Variants in DHX35 observed in about 807,000 individuals in gnomAD.
DHX35 encodes the protein probable ATP-dependent RNA helicase DHX35.
DHX35 carries 84 observed loss-of-function variants against 99.6 expected under a neutral mutation model. That is an observed-to-expected ratio of 0.84 (90% CI 0.71 to 1.01). DHX35 has a LOEUF of 1.01. Ranked by LOEUF, DHX35 falls within the 50% of genes least tolerant of loss-of-function variation. The pLI, the probability that DHX35 is intolerant of heterozygous loss-of-function variation, is 0.00. For synonymous variants in DHX35, 331 were observed against 316.2 expected (o/e 1.05, Z -0.50); for missense variants, 852 against 888.5 (o/e 0.96, Z 0.52).
chr20:39,023,582 G>A, intron 16 of DHX35, 108 bp from the exon 17 acceptor site: 1 of 1,001,930 alleles, frequency 1.0e-6, no homozygotes, highest in Admixed American at 1.9e-5. Flanking sequence ...CGAACTTCTG[G>A]GTTCAGGCAA....
chr20:38,976,813 A>G (rs976030644), intron 3 of DHX35, among the ~76,000 whole-genome samples: 1 of 152,060 alleles, frequency 6.6e-6, no homozygotes, highest in African/African-American at 2.4e-5. Context: ...CTTTTGTAAG[A>G]TCAACTTTTT....
chr20:38,962,733 G>A (rs1207367405), intron 1 of DHX35: 1 of 363,290 alleles, frequency 2.8e-6, no homozygotes, highest in Non-Finnish European at 5.0e-6. Context: ...TGTCTCGTTA[G>A]CGCCCTGGGG....
At chr20:38,970,073 ATCTGTCTGTCTG>A (rs370046590) in intron 2 of DHX35, among the ~76,000 whole-genome samples, 13 of 152,004 alleles carry the variant, frequency 8.6e-5, no homozygotes, top group Admixed American at 2.0e-4. Context: ...TGTTCTATCT[ATCTGTCTGTCTG>A]TCTGTCTGTC....
intron 1 of DHX35, among the ~76,000 whole-genome samples, chr20:38,966,399 G>T (rs2085911175): frequency 6.6e-6 from 1 of 152,224 alleles, no homozygotes; most frequent in Non-Finnish European, 1.5e-5. Context: ...GCTGGGCGTG[G>T]TGGCTCATGC....
Position 39,023,762 on chromosome 20 carries a change from A to G in DHX35, c.1666A>G (p.Ile556Val). ...LTMLNIYEAF[I>V]KHNKDSKWCQ... ...TATGCTCAATATATATGAAGCATTTATCAAAGTAAGCACAACTACTGCTCG... is the reference window on the plus strand; with the variant it reads ...TATGCTCAATATATATGAAGCATTTGTCAAAGTAAGCACAACTACTGCTCG... Residue 556 changes from isoleucine (I) to valine (V), a missense_variant, in exon 17 of 22, where the codon ATC becomes GTC. Ile to Val is a conservative substitution (Grantham distance 29). Transcript: ENST00000252011. 1 of 1,613,808 alleles carries G rather than the reference A, an allele frequency of 6.2e-7. No homozygotes were observed. Among genetic ancestry groups the G allele is most frequent in the South Asian group, 1.1e-5 (1 of 91,046 alleles).
rs1264489902 is a variant in DHX35 at position 38,992,271 on chromosome 20, A to C, written c.513-85A>C. On this transcript the variant is annotated intron_variant, in intron 6 of 21. Coordinates refer to ENST00000252011, the MANE Select transcript of DHX35 (RefSeq NM_021931.4). ...ATGCAAAGTGATTGTATGAGGACTA[A>C]ATACCCAGAAGCTCTTTGATGGTCT... 3 of 1,142,900 alleles carry C rather than the reference A, an allele frequency of 2.6e-6. No individual in the cohort carries two copies. In the African/African-American group the frequency reaches 4.6e-5, roughly 18 times the overall value. 70.8% of individuals were successfully genotyped at this position (1,142,900 alleles called of 1,614,324 possible).
intron 8 of DHX35, among the ~76,000 whole-genome samples, chr20:38,995,775 C>T (rs769877525): frequency 1.8e-4 from 27 of 152,300 alleles, no homozygotes; most frequent in South Asian, 4.1e-4. Context: ...CAGAAACTTT[C>T]GCAGAGGTGG....
intron 2 of DHX35, among the ~76,000 whole-genome samples, chr20:38,969,758 A>G (rs567746556): frequency 2.6e-5 from 4 of 152,362 alleles, no homozygotes; most frequent in African/African-American, 9.6e-5. Flanking sequence ...GTGCTCAGCT[A>G]CAAGAGACCA....
intron 20 of DHX35, among the ~76,000 whole-genome samples, chr20:39,032,656 C>T (rs542934317): frequency 6.6e-6 from 1 of 152,272 alleles, no homozygotes; most frequent in South Asian, 2.1e-4. Context: ...ATGTGGTCTC[C>T]AGCCCAGCAT....
chr20:38,966,803 A>T (rs1436058917), intron 1 of DHX35, among the ~76,000 whole-genome samples: 1 of 152,266 alleles, frequency 6.6e-6, no homozygotes, highest in African/African-American at 2.4e-5. Flanking sequence ...AAAAGGCAGG[A>T]ATTCAGGACA....
intron 17 of DHX35, among the ~76,000 whole-genome samples, chr20:39,024,943 C>A (rs1240202788): frequency 2.0e-5 from 3 of 152,172 alleles, no homozygotes; most frequent in African/African-American, 7.2e-5. Flanking sequence ...ATGGTTCTTT[C>A]TGATAGTTCA....
chr20:39,016,704 T>C (rs370068294), intron 14 of DHX35, among the ~76,000 whole-genome samples: 2 of 152,294 alleles, frequency 1.3e-5, no homozygotes, highest in East Asian at 3.9e-4. Flanking sequence ...TTTTGTGTTA[T>C]AGCCATCCTA....
intron 14 of DHX35, 141 bp from the exon 15 acceptor site, chr20:39,018,663 T>C: frequency 1.3e-6 from 1 of 782,230 alleles, no homozygotes; most frequent in Admixed American, 2.5e-5. Context: ...TAGTGTCAAA[T>C]GGAGTTTGGT....
intron 6 of DHX35, 98 bp from the exon 7 acceptor site, chr20:38,992,258 T>C: frequency 1.1e-6 from 1 of 936,652 alleles, no homozygotes; most frequent in South Asian, 1.5e-5. Context: ...GCAAAGTGAT[T>C]GTATGAGGAC....
Position 39,020,656 on chromosome 20 carries a change from C to CTTTTTTTTTTT in DHX35, c.1499-1175_1499-1165dup, listed in dbSNP as rs57246257. On this transcript the variant is annotated intron_variant, in intron 15 of 21. Coordinates refer to ENST00000252011, the MANE Select transcript of DHX35 (RefSeq NM_021931.4). ...CAGCCTTCCATTTAGAAACAGGATT[C>CTTTTTTTTTTT]TTTTTTTTTTTTTTTTTTTTGAGAC... is the stretch of plus-strand genomic sequence containing the variant. Among the ~76,000 whole-genome samples the CTTTTTTTTTTT allele has an allele frequency of 4.3e-3, 447 of 105,170 alleles. 34 individuals carry two copies. The highest frequency in any genetic ancestry group is 0.015 in the Middle Eastern group (2 of 136). The allele number at this position is 105,170 out of a possible 152,430, so 69.0% of individuals were successfully genotyped here.
At chr20:38,968,925 G>A (rs1480435751) in intron 1 of DHX35, among the ~76,000 whole-genome samples, 156 bp from the exon 2 acceptor site, 1 of 152,184 alleles carries the variant, frequency 6.6e-6, no homozygotes, top group Non-Finnish European at 1.5e-5. Context: ...CACTTTTCTG[G>A]ATTCTTTCCT....
rs2086762350 is a variant in DHX35 at position 39,015,059 on chromosome 20, A to G, written c.1402+125A>G. 7 of 1,060,080 alleles carry G rather than the reference A, an allele frequency of 6.6e-6. No homozygotes were observed. The Admixed American group carries it at 1.4e-4, about 21-fold the overall frequency. 65.7% of individuals were successfully genotyped at this position (1,060,080 alleles called of 1,614,324 possible). ...GGGATTGGTTCTCCCCATATATATA[A>G]TCCCCCTAATGATACTTTATTGAAA... On this transcript the variant is annotated intron_variant, in intron 14 of 21. Transcript: ENST00000252011.
chr20:39,028,395 C>T (rs2086991769), intron 18 of DHX35, 23 bp from the exon 19 acceptor site: 1 of 1,613,482 alleles, frequency 6.2e-7, no homozygotes, highest in South Asian at 1.1e-5. Flanking sequence ...TTTCACCCGC[C>T]TCTCTGTTGG....
intron 21 of DHX35, among the ~76,000 whole-genome samples, chr20:39,038,196 G>GA (rs2087186497): frequency 6.6e-6 from 1 of 152,222 alleles, no homozygotes; most frequent in Non-Finnish European, 1.5e-5. Context: ...TCTAGGCTGG[G>GA]GCAGAGGGAG....
Sources: allele counts gnomAD v4.1 joint callset (sites outside exome capture counted in the v4.1 genomes callset), GRCh38; gene constraint gnomAD v4.1.1; transcripts MANE v1.5; gene names NCBI Gene and HGNC (gene_info 2026-07-23, HGNC 2026-07-21).